Variants in CAMK1D observed in about 807,000 individuals in gnomAD.
CAMK1D encodes calcium/calmodulin dependent protein kinase ID, also known as calcium/calmodulin-dependent protein kinase type 1D.
Under a neutral mutation model 47.7 loss-of-function variants are expected in CAMK1D, and 9 were observed. The ratio of observed to expected loss-of-function variants is 0.19; its 90% CI spans 0.11 to 0.33. The LOEUF (loss-of-function observed/expected upper bound fraction) is 0.33, where lower values mean the gene tolerates loss of function less well. Ranked by LOEUF, CAMK1D falls within the 10% of genes least tolerant of loss-of-function variation. CAMK1D has a pLI of 1.00. For synonymous variants in CAMK1D, 184 were observed against 184.9 expected, an observed-to-expected ratio of 0.99 and a Z score of 0.04; for missense variants, 291 against 488.7, an observed-to-expected ratio of 0.60 and a Z score of 3.81.
intron 1 of CAMK1D, among the ~76,000 whole-genome samples, chr10:12,487,137 A>T (rs558624103): frequency 4.6e-5 from 7 of 152,240 alleles, no homozygotes; most frequent in African/African-American, 1.7e-4. Context: ...CCTAGTAACC[A>T]ATAGTGATTT....
At chr10:12,601,203 T>G (rs1020207495) in intron 2 of CAMK1D, among the ~76,000 whole-genome samples, 14 of 151,738 alleles carry the variant, frequency 9.2e-5, no homozygotes, top group Non-Finnish European at 1.8e-4. Context: ...GTTTTTTTTT[T>G]TTTTTTGCTC....
intron 6 of CAMK1D, among the ~76,000 whole-genome samples, chr10:12,809,301 A>G (rs1264549459): frequency 3.9e-5 from 6 of 152,188 alleles, no homozygotes; most frequent in Non-Finnish European, 5.9e-5. Flanking sequence ...CAAAAAGGCA[A>G]GGGCTGGGGA....
At chr10:12,453,346 C>A (rs1041769372) in intron 1 of CAMK1D, among the ~76,000 whole-genome samples, 1 of 151,940 alleles carries the variant, frequency 6.6e-6, no homozygotes, top group East Asian at 1.9e-4. Context: ...CCTGCCACCA[C>A]GCCCGGCTAA....
At chr10:12,456,047 C>T (rs1452566880) in intron 1 of CAMK1D, among the ~76,000 whole-genome samples, 2 of 152,164 alleles carry the variant, frequency 1.3e-5, no homozygotes, top group Admixed American at 1.3e-4. Context: ...ATGCCTTCTC[C>T]AGAAGCTTGG....
At chr10:12,682,419 AT>A (rs1190270394) in intron 3 of CAMK1D, among the ~76,000 whole-genome samples, 2 of 152,204 alleles carry the variant, frequency 1.3e-5, no homozygotes, top group African/African-American at 4.8e-5. Context: ...GAGAAGGTTT[AT>A]GTTATAAAAT....
At chr10:12,552,990 G>A (rs897693829) in intron 1 of CAMK1D, among the ~76,000 whole-genome samples, 3 of 152,196 alleles carry the variant, frequency 2.0e-5, no homozygotes, top group Middle Eastern at 3.4e-3. Context: ...TGGTCTGCCC[G>A]CCTTGGCCTC....
chr10:12,526,033 C>T (rs1459456046), intron 1 of CAMK1D, among the ~76,000 whole-genome samples: 1 of 152,230 alleles, frequency 6.6e-6, no homozygotes, highest in African/African-American at 2.4e-5. Context: ...GCTGGGATTA[C>T]AGGTGTGAGC....
At chr10:12,369,077 A>G (rs1007249841) in intron 1 of CAMK1D, among the ~76,000 whole-genome samples, 3 of 152,150 alleles carry the variant, frequency 2.0e-5, no homozygotes, top group Non-Finnish European at 2.9e-5. Context: ...TGTCTCCCAA[A>G]GTGCTGGGAT....
chr10:12,603,064 C>T (rs757155023), intron 2 of CAMK1D, among the ~76,000 whole-genome samples: 53 of 152,086 alleles, frequency 3.5e-4, no homozygotes, highest in Middle Eastern at 3.4e-3. Flanking sequence ...GCACGCGTCA[C>T]TGCACCCGGC....
chr10:12,721,972 C>G (rs1033452684), intron 3 of CAMK1D, among the ~76,000 whole-genome samples: 1 of 152,168 alleles, frequency 6.6e-6, no homozygotes, highest in Admixed American at 6.5e-5. Context: ...AGAGGGGGCT[C>G]TGTTTCCCTA....
intron 1 of CAMK1D, among the ~76,000 whole-genome samples, chr10:12,504,631 T>G (rs1051748375): frequency 6.6e-6 from 1 of 152,188 alleles, no homozygotes; most frequent in African/African-American, 2.4e-5. Context: ...TGGGAACCTC[T>G]TAACCCGGTT....
Position 12,522,917 on chromosome 10 carries a change from G to A in CAMK1D, c.93-30308G>A, listed in dbSNP as rs1321687109. Reference sequence around the variant, plus strand: ...GGACGGGGCGGCTGGCCGGGCGGGGGCTGACCCCCCACCTGCCTCCCAGAC... The same window carrying A: ...GGACGGGGCGGCTGGCCGGGCGGGGACTGACCCCCCACCTGCCTCCCAGAC... On this transcript the variant is annotated intron_variant, in intron 1 of 10. Coordinates refer to ENST00000619168, the MANE Select transcript of CAMK1D (RefSeq NM_153498.4). Among the ~76,000 whole-genome samples, 13 of 97,704 alleles carry A rather than the reference G, an allele frequency of 1.3e-4. 3 individuals carry two copies. The highest frequency in any genetic ancestry group is 5.0e-4 in the African/African-American group (13 of 25,754). The allele number at this position is 97,704 out of a possible 152,430, so 64.1% of individuals were successfully genotyped here.
At chr10:12,824,241 C>A (rs1045758768) in intron 8 of CAMK1D, among the ~76,000 whole-genome samples, 3 of 151,646 alleles carry the variant, frequency 2.0e-5, no homozygotes, top group African/African-American at 2.4e-5. Context: ...GGGGAGGGTG[C>A]GGAGTGTAGA....
rs372658142 is a variant in CAMK1D at position 12,670,989 on chromosome 10, A to G, written c.299+4179A>G. 7.6e-4 allele frequency among the ~76,000 whole-genome samples: 115 copies of G among 152,266 alleles called. 3 individuals carry two copies. The South Asian group carries it at 0.023, about 31-fold the overall frequency. On this transcript the variant is annotated intron_variant, in intron 3 of 10. Coordinates refer to ENST00000619168, the MANE Select transcript of CAMK1D (RefSeq NM_153498.4). ...CTCCCTCCCTTAGTCTCTTGCAACT[A>G]CTTATCTTTGGTCCCTATGGATTTG...
At chr10:12,544,150 C>A (rs192531439) in intron 1 of CAMK1D, among the ~76,000 whole-genome samples, 4 of 152,218 alleles carry the variant, frequency 2.6e-5, no homozygotes, top group Admixed American at 2.6e-4. Flanking sequence ...ATTTGTACAG[C>A]CTATCATCAG....
intron 3 of CAMK1D, among the ~76,000 whole-genome samples, chr10:12,752,608 A>G (rs1836040265): frequency 1.3e-5 from 2 of 152,202 alleles, no homozygotes; most frequent in South Asian, 4.1e-4. Context: ...AAATATATAC[A>G]TACACATAAT....
chr10:12,474,301 C>A (rs1288336546), intron 1 of CAMK1D, among the ~76,000 whole-genome samples: 1 of 150,940 alleles, frequency 6.6e-6, no homozygotes, highest in African/African-American at 2.4e-5. Flanking sequence ...TGGGTTCACA[C>A]CATTCTCCTG....
intron 8 of CAMK1D, among the ~76,000 whole-genome samples, chr10:12,818,683 A>C (rs1241829161): frequency 7.9e-6 from 1 of 126,642 alleles, no homozygotes; most frequent in Admixed American, 7.9e-5. Context: ...AAAAAAAAAA[A>C]ATAAGGTAAA....
At chr10:12,585,101 T>C (rs570493307) in intron 2 of CAMK1D, among the ~76,000 whole-genome samples, 1 of 152,350 alleles carries the variant, frequency 6.6e-6, no homozygotes, top group African/African-American at 2.4e-5. Flanking sequence ...TTGCCTCCCC[T>C]ACAAAGAGGT....
Sources: allele counts gnomAD v4.1 joint callset (sites outside exome capture counted in the v4.1 genomes callset), GRCh38; gene constraint gnomAD v4.1.1; transcripts MANE v1.5; gene names NCBI Gene and HGNC (gene_info 2026-07-23, HGNC 2026-07-21).